The following PITPNM2 variants were observed in gnomAD, a reference collection of about 807,000 sequenced individuals.
The protein encoded by PITPNM2 is membrane-associated phosphatidylinositol transfer protein 2.
In PITPNM2, 35 loss-of-function variants were observed where a neutral mutation model predicts 132.2. The ratio of observed to expected loss-of-function variants is 0.26; its 90% CI spans 0.20 to 0.35. The LOEUF is 0.35. Among genes scored for constraint, PITPNM2 ranks in the 10% least tolerant of loss-of-function variants. The pLI is 1.00. For missense variants in PITPNM2, 1,332 were observed against 1,912.0 expected, an observed-to-expected ratio of 0.70 and a Z score of 5.66; for synonymous variants, 738 against 799.2, an observed-to-expected ratio of 0.92 and a Z score of 1.29.
intron 2 of PITPNM2, among the ~76,000 whole-genome samples, chr12:123,086,692 G>T (rs2042122740): frequency 6.6e-6 from 1 of 152,210 alleles, no homozygotes. Flanking sequence ...AGGTAGTGGA[G>T]CCCCGATTCA....
At chr12:123,062,173 G>A (rs1012948486) in intron 2 of PITPNM2, among the ~76,000 whole-genome samples, 2 of 152,096 alleles carry the variant, frequency 1.3e-5, no homozygotes, top group Non-Finnish European at 2.9e-5. Context: ...TGAGTCCCCA[G>A]ACTCCCTCCC....
At chr12:123,076,127 A>C (rs1308247122) in intron 2 of PITPNM2, 2 of 152,296 alleles carry the variant, frequency 1.3e-5, no homozygotes, top group African/African-American at 4.8e-5. Flanking sequence ...CGCCCATCAC[A>C]TAACTCGTAA....
Position 122,994,701 on chromosome 12 carries a change from G to C in PITPNM2, c.2233+100C>G, listed in dbSNP as rs770908233. 1.1e-4 allele frequency: 149 copies of C among 1,315,060 alleles called. No homozygotes were observed. Among genetic ancestry groups the C allele is most frequent in the Non-Finnish European group, 1.4e-4 (138 of 983,802 alleles). 81.5% of individuals were successfully genotyped at this position (1,315,060 alleles called of 1,614,324 possible). On this transcript the variant is annotated intron_variant, in intron 15 of 25. Transcript: ENST00000320201. The surrounding 1 kb of genome is among the most constrained non-coding windows in gnomAD (Gnocchi z 5.4). ...AAGACAGGAAGGAGGGCAGAAACAG[G>C]CCTGGGACGTGGCCATGATCTCATC...
rs1322873146 is a variant in PITPNM2, at chr12:122,986,812, C to T, written c.3431G>A (p.Gly1144Asp). 1 of 1,611,942 alleles carries T rather than the reference C, an allele frequency of 6.2e-7. No homozygotes were observed. Among genetic ancestry groups the T allele is most frequent in the Non-Finnish European group, 8.5e-7 (1 of 1,179,206 alleles). ...GCCCGTCACGTAGATGATGAGGTAG[C>T]CCAGGTCCTGCCAGTGCCTGGGGGT... ...VDVVRHWQDL[G>D]YLIIYVTGRP... Residue 1144 changes from glycine (G) to aspartate (D), a missense_variant, in exon 24 of 26, where the codon GGC (glycine) becomes GAC (aspartate). Transcript: ENST00000320201.
In PITPNM2 at chr12:123,004,924, G is replaced by A. The variant is rs753775268; in HGVS notation, c.952+316C>T. 1.3e-5 allele frequency among the ~76,000 whole-genome samples: 2 copies of A among 152,166 alleles called. No homozygotes were observed. Among genetic ancestry groups the A allele is most frequent in the Non-Finnish European group, 2.9e-5 (2 of 68,020 alleles). On this transcript the variant is annotated intron_variant, in intron 7 of 25. Coordinates refer to ENST00000320201, the MANE Select transcript of PITPNM2 (RefSeq NM_020845.3). The surrounding 1 kb of genome is among the most constrained non-coding windows in gnomAD (Gnocchi z 4.9). ...GTGCCTGGGTTGATCCTTAATCTCA[G>A]GGTCTGAAGTCTCCTAGGGTCCCCA... is the stretch of plus-strand genomic sequence containing the variant.
At chr12:123,032,433 C>T (rs1353290191) in intron 3 of PITPNM2, among the ~76,000 whole-genome samples, 3 of 152,168 alleles carry the variant, frequency 2.0e-5, no homozygotes, top group South Asian at 2.1e-4. Flanking sequence ...GCCGAGATCA[C>T]GATGCTGCAC....
Position 122,992,506 on chromosome 12 carries a change from C to T in PITPNM2, c.2397G>A (p.Thr799=), listed in dbSNP as rs1298963031. Residue 799 remains threonine, a synonymous_variant, in exon 16 of 26, where the codon ACG becomes ACA. Coordinates refer to ENST00000320201, the MANE Select transcript of PITPNM2 (RefSeq NM_020845.3). The surrounding 1 kb of genome is among the most constrained non-coding windows in gnomAD (Gnocchi z 6.5). The stretch of plus-strand genomic sequence containing the variant: ...GCGGAATGTGCCTCTCACCCAGCAG[C>T]GTGGAGCAGCCATCCCCCAGCGGGT... The part of the protein sequence containing the change: ...QRYPLGDGCS[T]LLADVLQTHN... 4.3e-6 allele frequency: 7 copies of T among 1,610,240 alleles called. No individual in the cohort carries two copies. The highest frequency in any genetic ancestry group is 1.7e-5 in the Admixed American group (1 of 59,882).
Position 123,004,906 on chromosome 12 carries a change from G to C in PITPNM2, c.952+334C>G, listed in dbSNP as rs943179349. Among the ~76,000 whole-genome samples the C allele has an allele frequency of 5.9e-5, 9 of 152,114 alleles. No homozygotes were observed. Among genetic ancestry groups the C allele is most frequent in the Non-Finnish European group, 1.0e-4 (7 of 68,008 alleles). ...AAGCTGGCTCCACCCAGGGTGCCTGGGTTGATCCTTAATCTCAGGGTCTGA... is the reference window on the plus strand; with the variant it reads ...AAGCTGGCTCCACCCAGGGTGCCTGCGTTGATCCTTAATCTCAGGGTCTGA... On this transcript the variant is annotated intron_variant, in intron 7 of 25. Transcript: ENST00000320201. This position sits in a 1 kb window ranked among gnomAD's most constrained non-coding sequence, Gnocchi z 4.9.
chr12:123,137,961 T>C (rs1184552482), intron 1 of PITPNM2, among the ~76,000 whole-genome samples: 1 of 151,942 alleles, frequency 6.6e-6, no homozygotes, highest in Non-Finnish European at 1.5e-5. Context: ...AGTGGTCACT[T>C]ACCTTGGAAA....
At chr12:123,052,725 A>G (rs1592975849) in intron 2 of PITPNM2, among the ~76,000 whole-genome samples, 4 of 150,240 alleles carry the variant, frequency 2.7e-5, no homozygotes, top group Admixed American at 1.3e-4. Flanking sequence ...AATAAATCCT[A>G]TTTGGTCATG....
At chr12:123,010,159 A>G in intron 5 of PITPNM2, 82 bp from the exon 6 acceptor site, 1 of 1,191,960 alleles carries the variant, frequency 8.4e-7, no homozygotes, top group Non-Finnish European at 1.2e-6. Flanking sequence ...CCACCCCCAA[A>G]TCCTCCCAGG....
At chr12:123,146,259 C>A (rs1364532841) in intron 1 of PITPNM2, among the ~76,000 whole-genome samples, 3 of 152,124 alleles carry the variant, frequency 2.0e-5, no homozygotes, top group Non-Finnish European at 2.9e-5. Flanking sequence ...CCTCATGACA[C>A]AAGTCTACCG....
chr12:123,105,159 T>G (rs1384460630), intron 2 of PITPNM2, among the ~76,000 whole-genome samples: 1 of 152,176 alleles, frequency 6.6e-6, no homozygotes, highest in Non-Finnish European at 1.5e-5. Flanking sequence ...GGTCTTCGCC[T>G]AAATGTCCCC....
At position 122,985,976 on chromosome 12, in the gene PITPNM2, T is replaced by G; in HGVS notation, c.*51A>C. 7.4e-7 allele frequency: 1 copy of G among 1,352,198 alleles called. No homozygotes were observed. Among genetic ancestry groups the G allele is most frequent in the South Asian group, 1.8e-5 (1 of 56,970 alleles). 83.8% of individuals were successfully genotyped at this position (1,352,198 alleles called of 1,614,324 possible). A position where few individuals can be genotyped will look rare whatever the true frequency, so the allele number is the denominator to read the frequency against. ...CCCAGGCCAGGCCTCCTGGCGGGGC[T>G]GGCCACCCTGGCCTAGCACCATGGA... On this transcript the variant is annotated 3_prime_UTR_variant, in exon 26 of 26. Coordinates refer to ENST00000320201, the MANE Select transcript of PITPNM2 (RefSeq NM_020845.3).
chr12:123,058,338 C>A lies in PITPNM2; in HGVS notation c.-95-23653G>T, dbSNP rs1267645368. The stretch of plus-strand genomic sequence containing the variant: ...TCTAATTTGCCTTCTGCCTCCATCC[C>A]TTTTGATTCTGGCCCTCACCAGCAC... On this transcript the variant is annotated intron_variant, in intron 2 of 25. Transcript: ENST00000320201. This position sits in a 1 kb window ranked among gnomAD's most constrained non-coding sequence, Gnocchi z 4.0. Among the ~76,000 whole-genome samples the A allele has an allele frequency of 6.6e-6, 1 of 152,220 alleles. No individual in the cohort carries two copies. The highest frequency in any genetic ancestry group is 1.5e-5 in the Non-Finnish European group (1 of 68,036).
chr12:123,020,848 C>T (rs959780034), intron 3 of PITPNM2, among the ~76,000 whole-genome samples: 2 of 151,720 alleles, frequency 1.3e-5, no homozygotes, highest in East Asian at 3.9e-4. Flanking sequence ...CATGGCAAAA[C>T]CCTGTCTCTA....
chr12:123,108,774 C>G lies in PITPNM2; in HGVS notation c.-96+1611G>C, dbSNP rs970256911. Among the ~76,000 whole-genome samples, 21 of 152,300 alleles carry G rather than the reference C, an allele frequency of 1.4e-4. No individual in the cohort carries two copies. Among genetic ancestry groups the G allele is most frequent in the African/African-American group, 5.1e-4 (21 of 41,550 alleles). ...GTGCCAGCCTGGAACTACGGAGCCA[C>G]AGAGGCAACTTAAGAGGCCCCATCA... On this transcript the variant is annotated intron_variant, in intron 2 of 25. Coordinates refer to ENST00000320201, the MANE Select transcript of PITPNM2 (RefSeq NM_020845.3). This position sits in a 1 kb window ranked among gnomAD's most constrained non-coding sequence, Gnocchi z 4.4.
chr12:123,001,272 G>A (rs971268688), intron 8 of PITPNM2, 114 bp from the exon 9 acceptor site: 10 of 750,432 alleles, frequency 1.3e-5, no homozygotes, highest in South Asian at 3.0e-5. Flanking sequence ...TCAACAGGAC[G>A]GCCACACAGC....
chr12:123,079,402 G>T (rs1281189239), intron 2 of PITPNM2, among the ~76,000 whole-genome samples: 1 of 114,014 alleles, frequency 8.8e-6, no homozygotes, highest in Non-Finnish European at 1.7e-5. Flanking sequence ...AGGCTGGAGT[G>T]CAGTGGTATG....
Sources: gnomAD v4.1 joint callset for allele counts (sites outside exome capture counted in the v4.1 genomes callset) on GRCh38, gnomAD v4.1.1 for gene constraint, Gnocchi (gnomAD v3.1) non-coding constraint, MANE v1.5 for transcripts, NCBI Gene and HGNC (gene_info 2026-07-23, HGNC 2026-07-21) for gene names.